The following DPP6 variants were observed in gnomAD, a reference collection of about 807,000 sequenced individuals.
DPP6 encodes the protein A-type potassium channel modulatory protein DPP6.
DPP6 carries 69 observed loss-of-function variants against 122.6 expected under a neutral mutation model. The ratio of observed to expected loss-of-function variants is 0.56; its 90% CI spans 0.46 to 0.69. The LOEUF (loss-of-function observed/expected upper bound fraction) is 0.69, where lower values mean the gene tolerates loss of function less well. Ranked by LOEUF, DPP6 falls within the 30% of genes least tolerant of loss-of-function variation. DPP6 has a pLI of 0.00. For synonymous variants in DPP6, 418 were observed against 433.1 expected (o/e 0.97, Z 0.43); for missense variants, 928 against 1,116.9 (o/e 0.83, Z 2.41).
chr7:153,942,518 G>A (rs1309632282), intron 1 of DPP6, among the ~76,000 whole-genome samples: 1 of 152,194 alleles, frequency 6.6e-6, no homozygotes, highest in East Asian at 1.9e-4. Flanking sequence ...AGCTTCCTGA[G>A]GTGGAGAGGA....
chr7:154,051,421 A>G (rs545585103), upstream of DPP6, among the ~76,000 whole-genome samples: 2,068 of 151,044 alleles, frequency 0.014, 29 homozygotes, highest in East Asian at 0.03. Context: ...AGGAGTGCAG[A>G]AGGGAGCCGG....
At chr7:153,928,607 G>A (rs1801033116) in intron 1 of DPP6, among the ~76,000 whole-genome samples, 1 of 151,612 alleles carries the variant, frequency 6.6e-6, no homozygotes, top group African/African-American at 2.4e-5. Context: ...AGGGGACGAA[G>A]AAGATCCTTT....
intron 1 of DPP6, among the ~76,000 whole-genome samples, chr7:154,366,166 A>C (rs1563552259): frequency 6.6e-6 from 1 of 152,162 alleles, no homozygotes; most frequent in Non-Finnish European, 1.5e-5. Context: ...AATGCAACTC[A>C]GGCTGCTAGG....
At chr7:154,872,485 C>G (rs1008881401) in intron 18 of DPP6, 139 bp from the exon 19 acceptor site, 4 of 1,362,760 alleles carry the variant, frequency 2.9e-6, no homozygotes, top group Non-Finnish European at 2.0e-6. Context: ...GGATGAAAAC[C>G]CTGGGCCAGT....
At chr7:153,998,433 G>T (rs1364544297) in intron 1 of DPP6, among the ~76,000 whole-genome samples, 2 of 152,132 alleles carry the variant, frequency 1.3e-5, no homozygotes, top group African/African-American at 4.8e-5. Flanking sequence ...AAGGATGCTG[G>T]GGGAGCTGTC....
intron 4 of DPP6, among the ~76,000 whole-genome samples, chr7:154,549,991 T>C (rs1829510671): frequency 6.6e-6 from 1 of 152,226 alleles, no homozygotes; most frequent in African/African-American, 2.4e-5. Context: ...ATTTATAATT[T>C]TTAGAAATAT....
chr7:154,198,560 C>A (rs189748750), intron 1 of DPP6, among the ~76,000 whole-genome samples: 384 of 152,142 alleles, frequency 2.5e-3, no homozygotes, highest in African/African-American at 8.7e-3. Context: ...ATGATCTGCC[C>A]GCCTCGGCCA....
rs376240492 is a variant in DPP6 at position 154,836,958 on chromosome 7, C to T, written c.1667-16822C>T. On this transcript the variant is annotated intron_variant, in intron 16 of 25. Coordinates refer to ENST00000377770, the MANE Select transcript of DPP6 (RefSeq NM_130797.4). ...CTGACCTCAGGCGATCTGCCAGCCT[C>T]GGCCTCCCAAAGTGCTGGGATTACA... 1.1e-4 allele frequency among the ~76,000 whole-genome samples: 17 copies of T among 152,202 alleles called. No individual in the cohort carries two copies. In the East Asian group the frequency reaches 2.3e-3, roughly 21 times the overall value.
intron 1 of DPP6, among the ~76,000 whole-genome samples, chr7:154,011,892 T>C (rs1164074878): frequency 6.6e-6 from 1 of 152,214 alleles, no homozygotes; most frequent in Non-Finnish European, 1.5e-5. Context: ...ACAGAACTAG[T>C]AAGCTGGAGA....
intron 3 of DPP6, among the ~76,000 whole-genome samples, chr7:154,479,578 A>G (rs1396792871): frequency 7.6e-6 from 1 of 131,064 alleles, no homozygotes; most frequent in Non-Finnish European, 1.8e-5. Flanking sequence ...AAAAAAAGAA[A>G]AGAAAAGAAA....
At chr7:154,311,519 A>C (rs1305884477) in intron 1 of DPP6, among the ~76,000 whole-genome samples, 1 of 151,978 alleles carries the variant, frequency 6.6e-6, no homozygotes, top group Non-Finnish European at 1.5e-5. Context: ...AAAGAAAAAG[A>C]AAAAGAAAAT....
At chr7:154,703,391 G>A (rs1840632547) in intron 7 of DPP6, among the ~76,000 whole-genome samples, 1 of 152,202 alleles carries the variant, frequency 6.6e-6, no homozygotes, top group Non-Finnish European at 1.5e-5. Context: ...GGCCGAGGCA[G>A]GCAGATTACC....
At chr7:154,216,578 A>G (rs1042771228) in intron 1 of DPP6, among the ~76,000 whole-genome samples, 4 of 152,156 alleles carry the variant, frequency 2.6e-5, no homozygotes, top group African/African-American at 9.7e-5. Flanking sequence ...ACCTTCATCC[A>G]TAAGGAGGTT....
chr7:154,663,325 G>T (rs1220842274), intron 6 of DPP6, among the ~76,000 whole-genome samples: 5 of 50,174 alleles, frequency 1.0e-4, no homozygotes, highest in African/African-American at 2.0e-4. Flanking sequence ...ATAGAGTCAT[G>T]GTGAATCACC....
intron 2 of DPP6, among the ~76,000 whole-genome samples, chr7:154,470,927 T>C (rs761501222): frequency 1.3e-5 from 2 of 152,126 alleles, no homozygotes; most frequent in Non-Finnish European, 2.9e-5. Flanking sequence ...GGCAAAAGCA[T>C]GTGGAAGTGA....
rs191199756 is a variant in DPP6, at chr7:154,042,244, T to C, written c.51+154510T>C. 3.6e-3 allele frequency among the ~76,000 whole-genome samples: 552 copies of C among 152,286 alleles called. 2 individuals are homozygous for C. The highest frequency in any genetic ancestry group is 5.4e-3 in the Non-Finnish European group (367 of 68,020). On this transcript the variant is annotated intron_variant, in intron 1 of 25. Coordinates refer to the DPP6 transcript ENST00000404039. ...AGCCTCCCAGAAAACTTTTTATTTC[T>C]GCTTCATCAAGCGGACACCCTTAAC...
At chr7:153,798,367 G>A in the DPP6 span, among the ~76,000 whole-genome samples, 1 of 152,208 alleles carries the variant, frequency 6.6e-6, no homozygotes, top group South Asian at 2.1e-4. Flanking sequence ...CTAGAAGAAA[G>A]AAATGTCTTC....
intron 1 of DPP6, among the ~76,000 whole-genome samples, chr7:153,942,389 A>G (rs1801737073): frequency 6.6e-6 from 1 of 152,224 alleles, no homozygotes; most frequent in African/African-American, 2.4e-5. Flanking sequence ...GACATCCTCA[A>G]TGACACGTAA....
chr7:154,858,029 A>T (rs965454411), intron 17 of DPP6, among the ~76,000 whole-genome samples: 1 of 152,146 alleles, frequency 6.6e-6, no homozygotes, highest in Non-Finnish European at 1.5e-5. Context: ...CACCACTTGT[A>T]CTTGTTCCAT....
Sources: gnomAD v4.1 joint callset for allele counts (sites outside exome capture counted in the v4.1 genomes callset) on GRCh38, gnomAD v4.1.1 for gene constraint, MANE v1.5 for transcripts, NCBI Gene and HGNC (gene_info 2026-07-23, HGNC 2026-07-21) for gene names.